Variants in RBFOX1 observed in about 807,000 individuals in gnomAD.
The protein encoded by RBFOX1 is RNA binding protein fox-1 homolog 1.
RBFOX1 carries 8 observed loss-of-function variants against 57.7 expected under a neutral mutation model. The ratio of observed to expected loss-of-function variants is 0.14; its 90% confidence interval spans 0.08 to 0.25. The LOEUF is 0.25. Among genes scored for constraint, RBFOX1 ranks in the 10% least tolerant of loss-of-function variants. RBFOX1 has a pLI of 1.00. For synonymous variants in RBFOX1, 326 were observed against 222.4 expected (o/e 1.47, Z -4.15); for missense variants, 611 against 548.5 (o/e 1.11, Z -1.14).
At chr16:6,517,959 C>T (rs1400671276) in intron 2 of RBFOX1, among the ~76,000 whole-genome samples, 1 of 152,054 alleles carries the variant, frequency 6.6e-6, no homozygotes, top group Non-Finnish European at 1.5e-5. Context: ...GTGATGATGG[C>T]TATTTTGCAT....
intron 3 of RBFOX1, among the ~76,000 whole-genome samples, chr16:7,006,442 T>A (rs764406549): frequency 6.6e-6 from 1 of 152,064 alleles, no homozygotes; most frequent in Non-Finnish European, 1.5e-5. Context: ...CTTGAGCCAC[T>A]GCGCCCGGCC....
intron 4 of RBFOX1, among the ~76,000 whole-genome samples, chr16:7,213,583 G>A (rs945459364): frequency 3.9e-5 from 6 of 151,956 alleles, no homozygotes; most frequent in Non-Finnish European, 8.8e-5. Context: ...AACAAGGTGG[G>A]AAATCATTCC....
intron 1 of RBFOX1, among the ~76,000 whole-genome samples, chr16:6,127,330 A>G (rs1323635806): frequency 6.6e-6 from 1 of 151,186 alleles, no homozygotes; most frequent in Non-Finnish European, 1.5e-5. Flanking sequence ...CTCCTGTTTC[A>G]CCTTATTCAA....
chr16:6,817,125 C>T (rs370195315), intron 3 of RBFOX1, among the ~76,000 whole-genome samples: 4 of 152,088 alleles, frequency 2.6e-5, no homozygotes, highest in East Asian at 1.9e-4. Context: ...GATGTATTAA[C>T]CTTTGACATG....
intron 2 of RBFOX1, among the ~76,000 whole-genome samples, chr16:6,635,567 T>C (rs970502265): frequency 6.6e-6 from 1 of 151,980 alleles, no homozygotes. Flanking sequence ...AAAAGAGGTA[T>C]CAATAAAAAG....
intron 1 of RBFOX1, chr16:5,467,196 C>CT (rs754559870): frequency 5.4e-3 from 5,469 of 1,006,844 alleles, no homozygotes; most frequent in South Asian, 0.012. Flanking sequence ...CTCTCTCTCT[C>CT]TTTTTTTTTT....
intron 1 of RBFOX1, among the ~76,000 whole-genome samples, chr16:5,442,621 C>A (rs1363615898): frequency 2.6e-5 from 4 of 152,234 alleles, no homozygotes; most frequent in East Asian, 1.9e-4. Flanking sequence ...TCTTAAAAAC[C>A]AATTGGGCTT....
At chr16:5,556,021 A>C (rs565293127) in intron 2 of RBFOX1, among the ~76,000 whole-genome samples, 1 of 148,308 alleles carries the variant, frequency 6.7e-6, no homozygotes, top group Non-Finnish European at 1.5e-5. Context: ...ACTCTGTCTC[A>C]AAAAAACAAA....
At chr16:5,459,542 A>C (rs912103465) in intron 1 of RBFOX1, among the ~76,000 whole-genome samples, 62 of 151,966 alleles carry the variant, frequency 4.1e-4, no homozygotes, top group African/African-American at 1.2e-3. Context: ...GGCCATCTCA[A>C]ATGCCGCATG....
At chr16:6,906,136 G>C (rs1484903379) in intron 3 of RBFOX1, among the ~76,000 whole-genome samples, 1 of 152,108 alleles carries the variant, frequency 6.6e-6, no homozygotes, top group African/African-American at 2.4e-5. Flanking sequence ...CTCACTTAGG[G>C]CTGCAAACAG....
chr16:7,280,979 C>CCTT (rs2095531227), intron 4 of RBFOX1, among the ~76,000 whole-genome samples: 1 of 122,432 alleles, frequency 8.2e-6, no homozygotes, highest in Non-Finnish European at 1.7e-5. Context: ...CTCCCTCCCT[C>CCTT]CCTCCCTCCC....
intron 2 of RBFOX1, among the ~76,000 whole-genome samples, chr16:6,552,081 A>G (rs1467727919): frequency 6.6e-6 from 1 of 152,192 alleles, no homozygotes; most frequent in Non-Finnish European, 1.5e-5. Context: ...TTATGCTTTT[A>G]GAAATCACTT....
At chr16:7,465,708 G>A (rs1382600595) in intron 4 of RBFOX1, among the ~76,000 whole-genome samples, 1 of 152,184 alleles carries the variant, frequency 6.6e-6, no homozygotes, top group East Asian at 1.9e-4. Context: ...GTCAATAGGA[G>A]CACTCATTAA....
rs143434058 is a variant in RBFOX1 at position 7,185,278 on chromosome 16, C to T, written c.27+133180C>T. On this transcript the variant is annotated intron_variant, in intron 4 of 15. Coordinates refer to ENST00000550418, the MANE Select transcript of RBFOX1 (RefSeq NM_018723.4). The stretch of plus-strand genomic sequence containing the variant: ...AAGCAAATTGAAGGAGGTGTTTGCA[C>T]GTATTTTTTTTTCCCTAATGATTCT... Among the ~76,000 whole-genome samples the T allele has an allele frequency of 5.1e-3, 783 of 152,136 alleles. 9 individuals carry two copies. The highest frequency in any genetic ancestry group is 0.018 in the African/African-American group (728 of 41,476).
chr16:7,317,218 C>G (rs1603619481), intron 4 of RBFOX1, among the ~76,000 whole-genome samples: 5 of 152,168 alleles, frequency 3.3e-5, no homozygotes, highest in African/African-American at 1.2e-4. Flanking sequence ...TTTTGAAAAT[C>G]AAGCCTGAGA....
At chr16:5,826,086 T>G (rs567566817) in intron 3 of RBFOX1, among the ~76,000 whole-genome samples, 4 of 148,450 alleles carry the variant, frequency 2.7e-5, no homozygotes, top group African/African-American at 7.3e-5. Flanking sequence ...ATAATATTCC[T>G]TAATATGAAT....
chr16:7,537,213 G>C lies in RBFOX1; in HGVS notation c.270+18824G>C, dbSNP rs555545871. Among the ~76,000 whole-genome samples the C allele has an allele frequency of 6.2e-4, 95 of 152,244 alleles. 1 individual carries two copies. Among genetic ancestry groups the C allele is most frequent in the Non-Finnish European group, 1.2e-3 (81 of 68,042 alleles). ...TAAGCTCTTGCCATGGGCTGGATGAGAGATGTTGATAGGAACTAGAATGGT... is the reference window on the plus strand; with the variant it reads ...TAAGCTCTTGCCATGGGCTGGATGACAGATGTTGATAGGAACTAGAATGGT... On this transcript the variant is annotated intron_variant, in intron 5 of 15. Coordinates refer to ENST00000550418, the MANE Select transcript of RBFOX1 (RefSeq NM_018723.4).
At chr16:6,157,255 T>C (rs963724773) in intron 1 of RBFOX1, among the ~76,000 whole-genome samples, 1 of 152,264 alleles carries the variant, frequency 6.6e-6, no homozygotes. Flanking sequence ...GATACAACTT[T>C]CAGTGTACAC....
At chr16:7,550,251 CTT>C (rs35299614) in intron 5 of RBFOX1, among the ~76,000 whole-genome samples, 186 of 147,348 alleles carry the variant, frequency 1.3e-3, no homozygotes, top group Admixed American at 3.9e-3. Context: ...CCTCCAGAGT[CTT>C]TTTTTTTTTT....
Sources: gnomAD v4.1 joint callset for allele counts (sites outside exome capture counted in the v4.1 genomes callset) on GRCh38, gnomAD v4.1.1 for gene constraint, MANE v1.5 for transcripts, NCBI Gene and HGNC (gene_info 2026-07-23, HGNC 2026-07-21) for gene names.